The following CLPB variants were observed in gnomAD, a reference collection of about 807,000 sequenced individuals.
CLPB encodes ClpB family mitochondrial disaggregase, also known as mitochondrial disaggregase.
In CLPB, 40 loss-of-function variants were observed where a neutral mutation model predicts 78.4. The ratio of observed to expected loss-of-function variants is 0.51; its 90% CI spans 0.40 to 0.66. The LOEUF is 0.66. Among genes scored for constraint, CLPB ranks in the 30% least tolerant of loss-of-function variants. The pLI, the probability that CLPB is intolerant of heterozygous loss-of-function variation, is 0.00. For missense variants in CLPB, 780 were observed against 886.9 expected, an observed-to-expected ratio of 0.88 and a Z score of 1.53; for synonymous variants, 333 against 348.0, an observed-to-expected ratio of 0.96 and a Z score of 0.48.
intron 7 of CLPB, among the ~76,000 whole-genome samples, chr11:72,315,665 A>G (rs1471002332): frequency 6.6e-6 from 1 of 152,224 alleles, no homozygotes; most frequent in Non-Finnish European, 1.5e-5. Flanking sequence ...GTTTCAGCCA[A>G]TTCGTGAGGG....
chr11:72,358,494 T>C (rs1441484694), intron 5 of CLPB, among the ~76,000 whole-genome samples: 1 of 152,086 alleles, frequency 6.6e-6, no homozygotes, highest in Non-Finnish European at 1.5e-5. Flanking sequence ...CCTGTGTCCT[T>C]TGTTTCATTA....
chr11:72,434,072 C>A lies in CLPB; in HGVS notation c.403G>T (p.Asp135Tyr). 6.2e-7 allele frequency: 1 copy of A among 1,609,658 alleles called. No individual in the cohort carries two copies. Among genetic ancestry groups the A allele is most frequent in the Non-Finnish European group, 8.5e-7 (1 of 1,179,890 alleles). The stretch of plus-strand genomic sequence containing the variant: ...CCTCAAACCCAGATCTCATAATCAC[C>A]CTTGTTGGACGGACTCTTGCTGTAG... ...HCYSKSPSNK[D>Y]AALLEAARAN... Residue 135 changes from aspartate (D) to tyrosine (Y), a missense_variant and splice_region_variant, in exon 1 of 16, where the codon GAT (aspartate) becomes TAT (tyrosine). By Grantham distance (160) the Asp-to-Tyr change is radical. Around this residue, in one of 3 missense-constraint regions of CLPB, gnomAD observed 417 missense variants for 414.7 expected, o/e 1.01. Coordinates refer to ENST00000538039, the MANE Select transcript of CLPB (RefSeq NM_001258392.3).
At chr11:72,322,821 T>C (rs761152796) in intron 6 of CLPB, among the ~76,000 whole-genome samples, 3 of 152,230 alleles carry the variant, frequency 2.0e-5, no homozygotes, top group Non-Finnish European at 4.4e-5. Context: ...GTAAATATCC[T>C]GTTACTCCTC....
intron 8 of CLPB, 24 bp from the exon 9 acceptor site, chr11:72,307,278 G>A (rs1481269552): frequency 8.7e-6 from 14 of 1,610,990 alleles, no homozygotes; most frequent in African/African-American, 2.7e-5. Context: ...AGGGGGAGGT[G>A]TTGGGTTAGA....
In CLPB at chr11:72,321,201, C is replaced by T. The variant is rs374896392; in HGVS notation, c.874-3981G>A. On this transcript the variant is annotated intron_variant, in intron 6 of 15. Coordinates refer to ENST00000538039, the MANE Select transcript of CLPB (RefSeq NM_001258392.3). ...GGAGATGGGGAGGAAGGCTACAAGA[C>T]GAGTTCAAGGCTCTGCTCTGATAGG... Among the ~76,000 whole-genome samples, 9 of 152,168 alleles carry T rather than the reference C, an allele frequency of 5.9e-5. No homozygotes were observed. In the East Asian group the frequency reaches 9.6e-4, roughly 16 times the overall value.
intron 5 of CLPB, among the ~76,000 whole-genome samples, chr11:72,353,946 A>G (rs767935629): frequency 5.3e-5 from 8 of 152,098 alleles, no homozygotes; most frequent in Non-Finnish European, 1.0e-4. Flanking sequence ...TTTTTAAACG[A>G]GTGAGCACTG....
At chr11:72,394,637 T>A (rs1242400149) in intron 3 of CLPB, among the ~76,000 whole-genome samples, 1 of 152,190 alleles carries the variant, frequency 6.6e-6, no homozygotes, top group Admixed American at 6.5e-5. Flanking sequence ...TACGAGTGCA[T>A]GCTGGAATTG....
At position 72,395,050 on chromosome 11, in the gene CLPB, A is replaced by C. The variant is rs930676625; in HGVS notation, c.542+7916T>G. Reference sequence around the variant, plus strand: ...ATGCTCTCCCCCTACTCCCTATGTTACCAATCAAATCCTGCCCAACTCCTC... The same window carrying C: ...ATGCTCTCCCCCTACTCCCTATGTTCCCAATCAAATCCTGCCCAACTCCTC... On this transcript the variant is annotated intron_variant, in intron 3 of 15. Transcript: ENST00000538039. 5.3e-5 allele frequency among the ~76,000 whole-genome samples: 8 copies of C among 151,978 alleles called. 1 individual carries two copies. The highest frequency in any genetic ancestry group is 1.9e-4 in the African/African-American group (8 of 41,366).
intron 4 of CLPB, among the ~76,000 whole-genome samples, chr11:72,361,911 G>A: frequency 6.6e-6 from 1 of 152,200 alleles, no homozygotes; most frequent in East Asian, 1.9e-4. Context: ...CATGTGCAAT[G>A]ACAGAGCTAT....
chr11:72,382,863 C>T lies in CLPB; in HGVS notation c.543-2479G>A, dbSNP rs1026220331. Among the ~76,000 whole-genome samples the T allele has an allele frequency of 2.0e-5, 3 of 151,936 alleles. No homozygotes were observed. In the East Asian group the frequency reaches 5.8e-4, roughly 29 times the overall value. ...CAAAACAAAGGATCAGTAACCAACC[C>T]TAAAGAAATGGATATTCATGACCTG... On this transcript the variant is annotated intron_variant, in intron 3 of 15. Coordinates refer to ENST00000538039, the MANE Select transcript of CLPB (RefSeq NM_001258392.3).
intron 7 of CLPB, among the ~76,000 whole-genome samples, chr11:72,310,564 C>A (rs905391380): frequency 8.5e-5 from 13 of 152,112 alleles, no homozygotes; most frequent in African/African-American, 3.1e-4. Flanking sequence ...GATATTGAAA[C>A]GGCAAAGGCT....
chr11:72,402,823 G>A, intron 3 of CLPB, 143 bp downstream of exon 3: 6 of 641,764 alleles, frequency 9.3e-6, no homozygotes, highest in Non-Finnish European at 1.7e-5. Flanking sequence ...CAATGCACCA[G>A]GTGAAGTCCA....
chr11:72,293,256 G>C lies in CLPB; in HGVS notation c.*111C>G. 1 of 1,381,624 alleles carries C rather than the reference G, an allele frequency of 7.2e-7. No homozygotes were observed. The highest frequency in any genetic ancestry group is 2.0e-4 in the Middle Eastern group (1 of 5,024). 85.6% of individuals were successfully genotyped at this position (1,381,624 alleles called of 1,614,324 possible). ...GGGCTGTGAGGAGGTAAGCAGGCCTGAGACTGGGTAGAGATGGGAGCGGCA... is the reference window on the plus strand; with the variant it reads ...GGGCTGTGAGGAGGTAAGCAGGCCTCAGACTGGGTAGAGATGGGAGCGGCA... On this transcript the variant is annotated 3_prime_UTR_variant, in exon 16 of 16. Coordinates refer to ENST00000538039, the MANE Select transcript of CLPB (RefSeq NM_001258392.3).
intron 4 of CLPB, among the ~76,000 whole-genome samples, chr11:72,360,331 A>G (rs1009382318): frequency 6.6e-6 from 1 of 152,198 alleles, no homozygotes; most frequent in Non-Finnish European, 1.5e-5. Context: ...GCACCAGACA[A>G]TTCCTAAACC....
chr11:72,306,234 A>G (rs1040076788), intron 9 of CLPB, among the ~76,000 whole-genome samples: 1 of 152,206 alleles, frequency 6.6e-6, no homozygotes, highest in African/African-American at 2.4e-5. Context: ...AGGAGGACAC[A>G]ATCTGAGCTA....
At chr11:72,355,624 T>A (rs959685343) in intron 5 of CLPB, among the ~76,000 whole-genome samples, 1 of 152,128 alleles carries the variant, frequency 6.6e-6, no homozygotes, top group Non-Finnish European at 1.5e-5. Context: ...AGCTAATAGG[T>A]GGGTAAACTG....
chr11:72,422,265 CAAAAAAAAAAA>C lies in CLPB; in HGVS notation c.455+8036_455+8046del, dbSNP rs71469431. On this transcript the variant is annotated intron_variant, in intron 2 of 15. Coordinates refer to ENST00000538039, the MANE Select transcript of CLPB (RefSeq NM_001258392.3). ...TGGGTGACAGAGCAAGACTCCGTCT[CAAAAAAAAAAA>C]AAAAAAAAAAAAAAACTAGGGAACT... 2.4e-4 allele frequency among the ~76,000 whole-genome samples: 6 copies of C among 24,960 alleles called. No homozygotes were observed. In the East Asian group the frequency reaches 4.7e-3, roughly 20 times the overall value. 16.4% of individuals were successfully genotyped at this position (24,960 alleles called of 152,430 possible). A position where few individuals can be genotyped will look rare whatever the true frequency, so the allele number is the denominator to read the frequency against.
In CLPB at chr11:72,384,400, T is replaced by C. The variant is rs1393671448; in HGVS notation, c.543-4016A>G. 6.0e-5 allele frequency among the ~76,000 whole-genome samples: 9 copies of C among 150,832 alleles called. No individual in the cohort carries two copies. The South Asian group carries it at 1.1e-3, about 18-fold the overall frequency. ...GTTTGTGGCGGGTATGGAATAAAAG[T>C]GTAAAGAAACCACAAAGTAAAACCT... On this transcript the variant is annotated intron_variant, in intron 3 of 15. Coordinates refer to ENST00000538039, the MANE Select transcript of CLPB (RefSeq NM_001258392.3).
chr11:72,419,427 C>T (rs552030543), intron 2 of CLPB, among the ~76,000 whole-genome samples: 1 of 152,348 alleles, frequency 6.6e-6, no homozygotes, highest in South Asian at 2.1e-4. Context: ...AAGGCACTCA[C>T]ATTAGTTCCT....
Sources: gnomAD v4.1 joint callset for allele counts (sites outside exome capture counted in the v4.1 genomes callset) on GRCh38, gnomAD v4.1.1 for gene constraint, gnomAD v4.1.1 regional missense constraint, MANE v1.5 for transcripts, NCBI Gene and HGNC (gene_info 2026-07-23, HGNC 2026-07-21) for gene names.